TFAP2C: variants seen among roughly 807,000 people sequenced by gnomAD.
The protein encoded by TFAP2C is activating enhancer-binding protein 2 gamma.
TFAP2C carries 9 observed loss-of-function variants against 42.9 expected under a neutral mutation model. The observed-to-expected ratio is 0.21, with a 90% CI of 0.13 to 0.37. The LOEUF (loss-of-function observed/expected upper bound fraction) is 0.37, where lower values mean the gene tolerates loss of function less well. Ranked by LOEUF, TFAP2C falls within the 10% of genes least tolerant of loss-of-function variation. TFAP2C has a pLI of 1.00. For synonymous variants in TFAP2C, 264 were observed against 256.0 expected, an observed-to-expected ratio of 1.03 and a Z score of -0.30; for missense variants, 462 against 591.7, an observed-to-expected ratio of 0.78 and a Z score of 2.27.
At position 56,631,792 on chromosome 20, in the gene TFAP2C, C is replaced by G. The variant is rs1189933703; in HGVS notation, c.535-13C>G. ...CCCCCGAACTTAAGGGAATTTTGTC[C>G]TCTCTCCCCCAGAATGTCGACGACC... On this transcript the variant is annotated splice_polypyrimidine_tract_variant and intron_variant, in intron 2 of 6. Coordinates refer to ENST00000201031, the MANE Select transcript of TFAP2C (RefSeq NM_003222.4). The surrounding 1 kb of genome is among the most constrained non-coding windows in gnomAD (Gnocchi z 6.1). 1 of 1,614,150 alleles carries G rather than the reference C, an allele frequency of 6.2e-7. No homozygotes were observed. The highest frequency in any genetic ancestry group is 1.3e-5 in the African/African-American group (1 of 75,040).
At chr20:56,636,877 G>T in intron 6 of TFAP2C, 123 bp downstream of exon 6, 2 of 1,263,190 alleles carry the variant, frequency 1.6e-6, no homozygotes, top group South Asian at 3.4e-5. Context: ...TTAGGGTGGA[G>T]CAAAAGAAAA....
At position 56,630,762 on chromosome 20, in the gene TFAP2C, G is replaced by A. The variant is rs1987472884; in HGVS notation, c.49-443G>A. On this transcript the variant is annotated intron_variant, in intron 1 of 6. Coordinates refer to ENST00000201031, the MANE Select transcript of TFAP2C (RefSeq NM_003222.4). This position sits in a 1 kb window ranked among gnomAD's most constrained non-coding sequence, Gnocchi z 5.1. Reference sequence around the variant, plus strand: ...GCCGCGCACTCTATCCGCGCCTGCCGCGCTGCCACCTCCAGCAGTCCCTGC... The same window carrying A: ...GCCGCGCACTCTATCCGCGCCTGCCACGCTGCCACCTCCAGCAGTCCCTGC... The A allele has an allele frequency of 1.0e-6, 1 of 985,382 alleles. No homozygotes were observed. 61.0% of individuals were successfully genotyped at this position (985,382 alleles called of 1,614,324 possible).
chr20:56,630,719 G>T lies in TFAP2C; in HGVS notation c.49-486G>T, dbSNP rs1041399433. 2 of 985,234 alleles carry T rather than the reference G, an allele frequency of 2.0e-6. No homozygotes were observed. The highest frequency in any genetic ancestry group is 3.5e-5 in the African/African-American group (2 of 57,222). The allele number at this position is 985,234 out of a possible 1,614,324, so 61.0% of individuals were successfully genotyped here. ...GGAAGGGAGGGTCCCGGGGGCGGGG[G>T]AGGTGCGCATTTCCCGCGCCGCGCA... is the stretch of plus-strand genomic sequence containing the variant. On this transcript the variant is annotated intron_variant, in intron 1 of 6. Coordinates refer to ENST00000201031, the MANE Select transcript of TFAP2C (RefSeq NM_003222.4). The surrounding 1 kb of genome is among the most constrained non-coding windows in gnomAD (Gnocchi z 5.1).
Position 56,629,315 on chromosome 20 carries a change from T to A in TFAP2C, c.-230T>A, listed in dbSNP as rs1987436860. The A allele has an allele frequency of 2.5e-6, 1 of 395,094 alleles. No homozygotes were observed. Among genetic ancestry groups the A allele is most frequent in the Non-Finnish European group, 4.5e-6 (1 of 224,240 alleles). 24.5% of individuals were successfully genotyped at this position (395,094 alleles called of 1,614,324 possible). ...TCCCCCGGCTATCGCCAGGACACAC[T>A]GTTCGGGCGCGGCTTTCCCCGTCCG... On this transcript the variant is annotated 5_prime_UTR_variant, in exon 1 of 7. Coordinates refer to ENST00000201031, the MANE Select transcript of TFAP2C (RefSeq NM_003222.4). This position sits in a 1 kb window ranked among gnomAD's most constrained non-coding sequence, Gnocchi z 5.9.
intron 6 of TFAP2C, 69 bp from the exon 7 acceptor site, chr20:56,637,659 G>A (rs1310103592): frequency 3.9e-6 from 6 of 1,544,248 alleles, no homozygotes; most frequent in Middle Eastern, 1.8e-4. Flanking sequence ...CCTCAGTGTA[G>A]TTGGTTCTGT....
Position 56,631,862 on chromosome 20 carries a change from T to TA in TFAP2C, c.586+7dup. The TA allele has an allele frequency of 6.2e-7, 1 of 1,614,136 alleles. No individual in the cohort carries two copies. The highest frequency in any genetic ancestry group is 1.1e-5 in the South Asian group (1 of 91,082). On this transcript the variant is annotated splice_region_variant and intron_variant, in intron 3 of 6. Coordinates refer to ENST00000201031, the MANE Select transcript of TFAP2C (RefSeq NM_003222.4). This position sits in a 1 kb window ranked among gnomAD's most constrained non-coding sequence, Gnocchi z 6.1. Reference sequence around the variant, plus strand: ...TCAGACAGTCATTCGCAAAGGTAAATAGCAAGGTGGCATCGTCTAACTCTG... The same window carrying TA: ...TCAGACAGTCATTCGCAAAGGTAAATAAGCAAGGTGGCATCGTCTAACTCTG...
rs1987458450 is a variant in TFAP2C, at chr20:56,630,134, T to C, written c.48+542T>C. The C allele has an allele frequency of 4.9e-6, 1 of 203,824 alleles. No individual in the cohort carries two copies. The highest frequency in any genetic ancestry group is 1.1e-5 in the Non-Finnish European group (1 of 94,260). The allele number at this position is 203,824 out of a possible 1,614,324, so 12.6% of individuals were successfully genotyped here. ...AGATGGGGCCGTAAGAGCTCGCGAGTGCTCCAGCCTGTCGGACAGGTTGAG... is the reference window on the plus strand; with the variant it reads ...AGATGGGGCCGTAAGAGCTCGCGAGCGCTCCAGCCTGTCGGACAGGTTGAG... On this transcript the variant is annotated intron_variant, in intron 1 of 6. Transcript: ENST00000201031. The surrounding 1 kb of genome is among the most constrained non-coding windows in gnomAD (Gnocchi z 5.1).
rs1987487687 is a variant in TFAP2C at position 56,631,414 on chromosome 20, C to T, written c.258C>T (p.Ala86=). The T allele has an allele frequency of 1.9e-6, 3 of 1,603,092 alleles. No individual in the cohort carries two copies. The highest frequency in any genetic ancestry group is 2.6e-6 in the Non-Finnish European group (3 of 1,176,006). Residue 86 remains alanine, a synonymous_variant, in exon 2 of 7, where the codon GCC becomes GCT. Coordinates refer to ENST00000201031, the MANE Select transcript of TFAP2C (RefSeq NM_003222.4). The surrounding 1 kb of genome is among the most constrained non-coding windows in gnomAD (Gnocchi z 6.1). The part of the protein sequence containing the change: ...YSHLGEAYAA[A]INPLHQPAPT... ...ATCTGGGGGAAGCGTACGCCGCCGC[C>T]ATCAACCCCCTGCACCAGCCGGCGC...
At position 56,638,263 on chromosome 20, in the gene TFAP2C, GC is replaced by G; in HGVS notation, c.*251del. The G allele has an allele frequency of 2.4e-6, 1 of 419,836 alleles. No homozygotes were observed. The highest frequency in any genetic ancestry group is 4.2e-6 in the Non-Finnish European group (1 of 236,922). 26.0% of individuals were successfully genotyped at this position (419,836 alleles called of 1,614,324 possible). On this transcript the variant is annotated 3_prime_UTR_variant, in exon 7 of 7. Coordinates refer to ENST00000201031, the MANE Select transcript of TFAP2C (RefSeq NM_003222.4). Reference sequence around the variant, plus strand: ...CAAGTACTGGCTCTTTATTCATTAAGCTTTTTTTTTTTGAACCCCATTCTTT... The same window carrying G: ...CAAGTACTGGCTCTTTATTCATTAAGTTTTTTTTTTTGAACCCCATTCTTT...
rs1568753671 is a variant in TFAP2C, at chr20:56,637,820, A to C, written c.1160A>C (p.Gln387Pro). 1 of 1,612,516 alleles carries C rather than the reference A, an allele frequency of 6.2e-7. No homozygotes were observed. Among genetic ancestry groups the C allele is most frequent in the Non-Finnish European group, 8.5e-7 (1 of 1,178,496 alleles). The change falls in exon 7 of 7, where the codon CAG (glutamine) becomes CCG (proline). Residue 387 changes from glutamine (Q) to proline (P), a missense_variant. Around this residue, in one of 5 missense-constraint regions of TFAP2C, gnomAD observed 130 missense variants for 160.8 expected, o/e 0.81. Transcript: ENST00000201031. ...GCCCCAGTCTTGGAGACGAACATAC[A>C]GAACTGCTTGTCTCATTTCAGCCTG... ...RLAPVLETNI[Q>P]NCLSHFSLIT... is the part of the protein sequence containing the mutation.
intron 4 of TFAP2C, among the ~76,000 whole-genome samples, chr20:56,633,920 T>G (rs1429453560): frequency 3.3e-5 from 5 of 152,182 alleles, no homozygotes; most frequent in Non-Finnish European, 7.3e-5. Flanking sequence ...CAATTTGAAA[T>G]ATTCGGTGAT....
Position 56,631,767 on chromosome 20 carries a change from C to T in TFAP2C, c.535-38C>T, listed in dbSNP as rs1464167892. 1 of 1,613,850 alleles carries T rather than the reference C, an allele frequency of 6.2e-7. No homozygotes were observed. The highest frequency in any genetic ancestry group is 8.5e-7 in the Non-Finnish European group (1 of 1,179,976). ...CCCCCACCCCGCACTCCTCTAGGCTCCCCCGAACTTAAGGGAATTTTGTCC... is the reference window on the plus strand; with the variant it reads ...CCCCCACCCCGCACTCCTCTAGGCTTCCCCGAACTTAAGGGAATTTTGTCC... On this transcript the variant is annotated intron_variant, in intron 2 of 6. Transcript: ENST00000201031. The surrounding 1 kb of genome is among the most constrained non-coding windows in gnomAD (Gnocchi z 6.1).
chr20:56,634,013 G>A, intron 4 of TFAP2C, 137 bp from the exon 5 acceptor site: 1 of 673,008 alleles, frequency 1.5e-6, no homozygotes, highest in South Asian at 1.8e-5. Flanking sequence ...TTTTCATTAT[G>A]GTTCACGTGA....
At position 56,631,285 on chromosome 20, in the gene TFAP2C, G is replaced by T. The variant is rs773078047; in HGVS notation, c.129G>T (p.Ala43=). ...CCGGGCAGCACCTCTACAGCCCCGC[G>T]CCACCCCTCTCCCACACTGGAGTCG... ...SSAGQHLYSP[A]PPLSHTGVAE... The change falls in exon 2 of 7, where the codon GCG becomes GCT. Residue 43 remains alanine, a synonymous_variant. Transcript: ENST00000201031. The surrounding 1 kb of genome is among the most constrained non-coding windows in gnomAD (Gnocchi z 6.1). The T allele has an allele frequency of 1.0e-5, 16 of 1,603,410 alleles. 1 individual carries two copies. In the South Asian group the frequency reaches 1.7e-4, roughly 17 times the overall value.
At chr20:56,637,353 C>T (rs1176141874) in intron 6 of TFAP2C, among the ~76,000 whole-genome samples, 4 of 152,204 alleles carry the variant, frequency 2.6e-5, no homozygotes, top group Non-Finnish European at 4.4e-5. Context: ...CTCCCGGTTC[C>T]TCACGGAATT....
At chr20:56,634,035 T>G in intron 4 of TFAP2C, 115 bp from the exon 5 acceptor site, 1 of 725,798 alleles carries the variant, frequency 1.4e-6, no homozygotes, top group Non-Finnish European at 2.4e-6. Flanking sequence ...GTAGATAGTC[T>G]TTGATGGGTT....
rs1238372387 is a variant in TFAP2C, at chr20:56,631,075, C to G, written c.49-130C>G. The stretch of plus-strand genomic sequence containing the variant: ...CATTGCCCCCGGGTACCTTCCGACC[C>G]TGGGCAAGCCCCGCCGGGCGGGGTG... On this transcript the variant is annotated intron_variant, in intron 1 of 6. Transcript: ENST00000201031. The surrounding 1 kb of genome is among the most constrained non-coding windows in gnomAD (Gnocchi z 6.1). 6.9e-7 allele frequency: 1 copy of G among 1,440,304 alleles called. No individual in the cohort carries two copies. Among genetic ancestry groups the G allele is most frequent in the Non-Finnish European group, 9.0e-7 (1 of 1,105,188 alleles). The allele number at this position is 1,440,304 out of a possible 1,614,324, so 89.2% of individuals were successfully genotyped here.
At chr20:56,635,439 C>G (rs1475232) in intron 5 of TFAP2C, among the ~76,000 whole-genome samples, 19,725 of 151,960 alleles carry the variant, frequency 0.13, 1,385 homozygotes, top group Middle Eastern at 0.18. Context: ...TCCCTTAGCT[C>G]TTCCACTGAC....
In TFAP2C at chr20:56,634,216, G is replaced by T. The variant is rs765031276; in HGVS notation, c.870G>T (p.Pro290=). 2 of 1,614,220 alleles carry T rather than the reference G, an allele frequency of 1.2e-6. No homozygotes were observed. The highest frequency in any genetic ancestry group is 1.7e-6 in the Non-Finnish European group (2 of 1,180,036). The change falls in exon 5 of 7, where the codon CCG becomes CCT. Residue 290 remains proline, a synonymous_variant. Coordinates refer to ENST00000201031, the MANE Select transcript of TFAP2C (RefSeq NM_003222.4). The stretch of plus-strand genomic sequence containing the variant: ...TGGACAAGATTGGGTTGAATCTTCC[G>T]GCCGGGAGGCGGAAAGCCGCTCATG... ...EKLDKIGLNL[P]AGRRKAAHVT... is the part of the protein sequence containing the mutation.
Sources: allele counts gnomAD v4.1 joint callset (sites outside exome capture counted in the v4.1 genomes callset), GRCh38; gene constraint gnomAD v4.1.1; regional missense constraint gnomAD v4.1.1; non-coding constraint Gnocchi (gnomAD v3.1); transcripts MANE v1.5; gene names NCBI Gene and HGNC (gene_info 2026-07-23, HGNC 2026-07-21).